GABRA3: variants seen among roughly 807,000 people sequenced by gnomAD.
GABRA3 encodes the protein gamma-aminobutyric acid receptor subunit alpha-3.
A neutral mutation model predicts 30.1 loss-of-function variants in GABRA3; 10 were observed. The observed-to-expected ratio is 0.33, with a 90% CI of 0.20 to 0.56. The LOEUF (loss-of-function observed/expected upper bound fraction) is 0.56, where lower values mean the gene tolerates loss of function less well. GABRA3 is among the 20% of genes least tolerant of loss of function. GABRA3 has a pLI of 0.89. For missense variants in GABRA3, 233 were observed against 392.0 expected (o/e 0.59, Z 3.42); for synonymous variants, 151 against 146.8 (o/e 1.03, Z -0.21).
At position 152,167,653 on chromosome X, in the gene GABRA3, A is replaced by T. The variant is rs1936953010; in HGVS notation, c.*575T>A. ...TGGCCATACATGGTAGACGGTGGTT[A>T]GTACCAATTGTCCCCACTAATTTCC... On this transcript the variant is annotated 3_prime_UTR_variant, in exon 10 of 10. Transcript: ENST00000370314. The T allele has an allele frequency of 8.8e-6, 1 of 113,152 alleles. No individual in the cohort carries two copies. The highest frequency in any genetic ancestry group is 3.2e-5 in the African/African-American group (1 of 30,837). 9.3% of individuals were successfully genotyped at this position (113,152 alleles called of 1,213,427 possible).
intron 1 of GABRA3, among the ~76,000 whole-genome samples, chrX:152,383,787 A>G (rs2124509238): frequency 9.1e-6 from 1 of 110,206 alleles, no homozygotes; most frequent in South Asian, 3.9e-4. Flanking sequence ...TTCCTCTAAT[A>G]TCAGAAACAA....
chrX:152,377,441 T>G (rs1929027081), intron 1 of GABRA3, among the ~76,000 whole-genome samples: 1 of 111,462 alleles, frequency 9.0e-6, no homozygotes, highest in Non-Finnish European at 1.9e-5. Context: ...ACATCATAAT[T>G]AACACAACAG....
At chrX:152,417,069 A>G (rs1480087277) in intron 1 of GABRA3, among the ~76,000 whole-genome samples, 2 of 103,448 alleles carry the variant, frequency 1.9e-5, no homozygotes, top group East Asian at 3.1e-4. Flanking sequence ...AAAAGAAACT[A>G]CCATCAGAGT....
At chrX:152,355,672 T>C (rs1212873182) in intron 2 of GABRA3, among the ~76,000 whole-genome samples, 1 of 111,949 alleles carries the variant, frequency 8.9e-6, no homozygotes, top group Non-Finnish European at 1.9e-5. Context: ...CCTGACAAAT[T>C]CAACAAATTG....
intron 4 of GABRA3, among the ~76,000 whole-genome samples, chrX:152,271,125 G>A (rs780397594): frequency 9.1e-6 from 1 of 109,730 alleles, no homozygotes; most frequent in East Asian, 2.9e-4. Flanking sequence ...ACCATGCCTG[G>A]CTAATTATTG....
intron 1 of GABRA3, among the ~76,000 whole-genome samples, chrX:152,417,350 G>A (rs1346748479): frequency 2.9e-4 from 31 of 105,133 alleles, no homozygotes; most frequent in African/African-American, 8.6e-4. Flanking sequence ...AGTTAGAATG[G>A]TGATCATTAA....
intron 3 of GABRA3, among the ~76,000 whole-genome samples, chrX:152,329,795 T>C (rs1254685137): frequency 8.9e-6 from 1 of 111,821 alleles, no homozygotes; most frequent in Non-Finnish European, 1.9e-5. Flanking sequence ...GGGCAAGGAC[T>C]TGATGACTAA....
intron 1 of GABRA3, among the ~76,000 whole-genome samples, chrX:152,420,577 A>C (rs1478340735): frequency 9.0e-6 from 1 of 111,533 alleles, no homozygotes; most frequent in Non-Finnish European, 1.9e-5. Context: ...ACAATTTGTA[A>C]AAATAATAAT....
At chrX:152,269,028 C>G (rs999631781) in intron 4 of GABRA3, among the ~76,000 whole-genome samples, 1 of 111,866 alleles carries the variant, frequency 8.9e-6, no homozygotes, top group Non-Finnish European at 1.9e-5. Context: ...AATTCTATTT[C>G]CTTGAAATTG....
At chrX:152,399,664 T>C (rs185098081) in intron 1 of GABRA3, among the ~76,000 whole-genome samples, 1 of 112,063 alleles carries the variant, frequency 8.9e-6, no homozygotes, top group East Asian at 2.8e-4. Flanking sequence ...AAGAATGCTG[T>C]CACACTAGCA....
rs1226877526 is a variant in GABRA3, at chrX:152,166,394, A to C, written c.*1834T>G. 1.2e-5 allele frequency: 1 copy of C among 81,959 alleles called. No homozygotes were observed. The highest frequency in any genetic ancestry group is 5.1e-5 in the African/African-American group (1 of 19,572). The allele number at this position is 81,959 out of a possible 1,213,427, so 6.8% of individuals were successfully genotyped here. The stretch of plus-strand genomic sequence containing the variant: ...CCACCCCCCATATCCCCACATATCC[A>C]CAAGACTACACTCTTCTAGTCATGA... On this transcript the variant is annotated 3_prime_UTR_variant, in exon 10 of 10. Coordinates refer to ENST00000370314, the MANE Select transcript of GABRA3 (RefSeq NM_000808.4).
At chrX:152,178,566 T>TA (rs1267042119) in intron 9 of GABRA3, among the ~76,000 whole-genome samples, 1 of 111,688 alleles carries the variant, frequency 9.0e-6, no homozygotes, top group Admixed American at 9.5e-5. Flanking sequence ...CATTTGAAAA[T>TA]AAAAAAAGAA....
intron 5 of GABRA3, among the ~76,000 whole-genome samples, chrX:152,231,918 G>GT (rs1330585228): frequency 9.0e-6 from 1 of 111,638 alleles, no homozygotes; most frequent in Non-Finnish European, 1.9e-5. Context: ...GTCGCACACT[G>GT]TATGATTCCA....
intron 1 of GABRA3, among the ~76,000 whole-genome samples, chrX:152,368,828 C>T (rs1928740523): frequency 9.4e-6 from 1 of 106,911 alleles, no homozygotes; most frequent in East Asian, 2.9e-4. Context: ...GCCTCAGCCT[C>T]CCGAGTAGCT....
In GABRA3 at chrX:152,364,421, G is replaced by C; in HGVS notation, c.140+10C>G. 1 of 1,203,422 alleles carries C rather than the reference G, an allele frequency of 8.3e-7. No homozygotes were observed. The highest frequency in any genetic ancestry group is 1.1e-6 in the Non-Finnish European group (1 of 891,433). ...AGTCTTCTTTCATCCTAAGAGTTAG[G>C]GGTTCTTACCCGCCAATGTCCTGCT... On this transcript the variant is annotated intron_variant, in intron 2 of 9. Coordinates refer to ENST00000370314, the MANE Select transcript of GABRA3 (RefSeq NM_000808.4).
chrX:152,314,849 T>C (rs1375764793), intron 3 of GABRA3, among the ~76,000 whole-genome samples: 1 of 112,331 alleles, frequency 8.9e-6, no homozygotes, highest in Non-Finnish European at 1.9e-5. Context: ...ACATGCCAGA[T>C]TGCAAATATC....
At chrX:152,195,698 C>G (rs1001610657) in intron 8 of GABRA3, among the ~76,000 whole-genome samples, 5 of 111,801 alleles carry the variant, frequency 4.5e-5, no homozygotes, top group Admixed American at 1.9e-4. Context: ...CCTCCATAGT[C>G]AAATCTCCTT....
At chrX:152,378,712 A>G (rs1038825089) in intron 1 of GABRA3, among the ~76,000 whole-genome samples, 4 of 111,793 alleles carry the variant, frequency 3.6e-5, no homozygotes, top group African/African-American at 1.3e-4. Context: ...TCTGGTGCAA[A>G]TAAAAAAGTT....
intron 3 of GABRA3, among the ~76,000 whole-genome samples, chrX:152,339,414 T>C (rs1940282189): frequency 9.0e-6 from 1 of 110,527 alleles, no homozygotes; most frequent in South Asian, 3.9e-4. Context: ...AGACGGGGTT[T>C]CACCATGTTG....
Sources: gnomAD v4.1 joint callset for allele counts (sites outside exome capture counted in the v4.1 genomes callset) on GRCh38, gnomAD v4.1.1 for gene constraint, MANE v1.5 for transcripts, NCBI Gene and HGNC (gene_info 2026-07-23, HGNC 2026-07-21) for gene names.